LIPA: variants seen among roughly 807,000 people sequenced by gnomAD.
LIPA encodes the protein lipase A, lysosomal acid type.
A neutral mutation model predicts 40.6 loss-of-function variants in LIPA; 26 were observed. The observed-to-expected ratio is 0.64, with a 90% CI of 0.47 to 0.89. LIPA has a LOEUF of 0.89. Among genes scored for constraint, LIPA ranks in the 40% least tolerant of loss-of-function variants. The pLI, the probability that LIPA is intolerant of heterozygous loss-of-function variation, is 0.00. For synonymous variants in LIPA, 188 were observed against 168.4 expected (o/e 1.12, Z -0.90); for missense variants, 455 against 479.6 (o/e 0.95, Z 0.48).
intron 1 of LIPA, among the ~76,000 whole-genome samples, chr10:89,299,728 C>A (rs12261913): frequency 0.25 from 38,019 of 151,724 alleles, 4,915 homozygotes; most frequent in Middle Eastern, 0.29. Context: ...GATATCATCT[C>A]ACCCCAGTTA....
At chr10:89,298,102 C>T (rs1018632747) in intron 1 of LIPA, among the ~76,000 whole-genome samples, 1 of 152,226 alleles carries the variant, frequency 6.6e-6, no homozygotes, top group Non-Finnish European at 1.5e-5. Context: ...CCACCGTTGG[C>T]TACTGCCATT....
intron 1 of LIPA, chr10:89,307,266 C>A (rs1394529555): frequency 6.2e-7 from 1 of 1,613,878 alleles, no homozygotes; most frequent in Non-Finnish European, 8.5e-7. Context: ...CATGTCTTGG[C>A]ATTCCTTCAG....
chr10:89,318,406 T>C (rs1456237206), intron 1 of LIPA, among the ~76,000 whole-genome samples: 1 of 151,966 alleles, frequency 6.6e-6, no homozygotes. Context: ...AAAAGCAGGG[T>C]TGCAATCCTA....
chr10:89,317,002 C>A (rs563196079), intron 1 of LIPA, among the ~76,000 whole-genome samples: 1 of 152,224 alleles, frequency 6.6e-6, no homozygotes, highest in Non-Finnish European at 1.5e-5. Flanking sequence ...AGGGTCCTGA[C>A]TGTTAGAAGG....
rs150859727 is a variant in LIPA, at chr10:89,316,303, A to T, written c.-2+26308T>A. Among the ~76,000 whole-genome samples, 1,026 of 152,344 alleles carry T rather than the reference A, an allele frequency of 6.7e-3. 16 individuals are homozygous for T. Among genetic ancestry groups the T allele is most frequent in the East Asian group, 0.051 (266 of 5,182 alleles). The stretch of plus-strand genomic sequence containing the variant: ...CCCGGGAAGTGCAAGGAGTCAGGGA[A>T]TTCCCTTTCCTAGCCAAGGGAAGCC... On this transcript the variant is annotated intron_variant, in intron 1 of 5. Coordinates refer to the LIPA transcript ENST00000282673.
chr10:89,384,351 G>A, intron 2 of LIPA: 7 of 1,614,164 alleles, frequency 4.3e-6, no homozygotes, highest in Middle Eastern at 1.6e-4. Context: ...ATGTTGACCT[G>A]GCTGAAACGT....
intron 2 of LIPA, among the ~76,000 whole-genome samples, chr10:89,366,965 C>G (rs1385797927): frequency 1.3e-5 from 2 of 152,100 alleles, no homozygotes; most frequent in Admixed American, 1.3e-4. Context: ...GAAAATGTGG[C>G]ACATATACAC....
chr10:89,317,530 A>G (rs1000973806), intron 1 of LIPA, among the ~76,000 whole-genome samples: 2 of 152,226 alleles, frequency 1.3e-5, no homozygotes, highest in South Asian at 4.1e-4. Context: ...AAGAGTAAAA[A>G]GAAATGAACA....
At chr10:89,392,662 G>A (rs1001949169) in intron 2 of LIPA, 9 of 1,605,482 alleles carry the variant, frequency 5.6e-6, no homozygotes, top group African/African-American at 2.7e-5. Flanking sequence ...GATCTCAGAG[G>A]AGCCTGGCTA....
At chr10:89,249,003 T>C (rs932726396) in intron 1 of LIPA, among the ~76,000 whole-genome samples, 7 of 152,342 alleles carry the variant, frequency 4.6e-5, no homozygotes, top group Middle Eastern at 3.4e-3. Flanking sequence ...CTTCCACCTA[T>C]GATTTAGACA....
chr10:89,339,087 G>C (rs757663226), intron 1 of LIPA: 2 of 1,614,014 alleles, frequency 1.2e-6, no homozygotes, highest in Non-Finnish European at 1.7e-6. Context: ...AGGAAGGGTG[G>C]ACACAACTGA....
intron 1 of LIPA, chr10:89,308,689 G>A (rs943805605): frequency 6.6e-6 from 1 of 152,024 alleles, no homozygotes; most frequent in Non-Finnish European, 1.5e-5. Flanking sequence ...TTTGCCTGTT[G>A]GAATTAATTT....
intron 2 of LIPA, chr10:89,404,142 T>C (rs1844491476): frequency 6.5e-6 from 1 of 153,572 alleles, no homozygotes; most frequent in South Asian, 2.0e-4. Flanking sequence ...CCTCATTATA[T>C]TCCCTCCCTT....
chr10:89,258,059 G>C (rs1317832052), intron 1 of LIPA, among the ~76,000 whole-genome samples: 5 of 152,144 alleles, frequency 3.3e-5, no homozygotes, highest in Admixed American at 2.0e-4. Context: ...CTCAGTATTG[G>C]AGCAAGATCA....
At chr10:89,333,775 GA>G (rs1259470200) in intron 1 of LIPA, among the ~76,000 whole-genome samples, 2 of 152,250 alleles carry the variant, frequency 1.3e-5, no homozygotes, top group Non-Finnish European at 2.9e-5. Context: ...AGTCTTCCCA[GA>G]GCCTTGCTGC....
chr10:89,411,108 C>T (rs1841466119), intron 2 of LIPA, among the ~76,000 whole-genome samples: 1 of 152,194 alleles, frequency 6.6e-6, no homozygotes, highest in Non-Finnish European at 1.5e-5. Flanking sequence ...TAAACAAGGG[C>T]GTAGCCTGAA....
At chr10:89,269,474 A>G (rs1277540456) in intron 1 of LIPA, among the ~76,000 whole-genome samples, 1 of 151,708 alleles carries the variant, frequency 6.6e-6, no homozygotes, top group African/African-American at 2.4e-5. Context: ...TTTTTGCTCT[A>G]ATTAATATTT....
chr10:89,252,805 CCCAA>C (rs1564769046), upstream of LIPA, among the ~76,000 whole-genome samples: 1 of 30,618 alleles, frequency 3.3e-5, no homozygotes. Context: ...GACTCCATCC[CCCAA>C]AAAAAAAAAA....
intron 3 of LIPA, among the ~76,000 whole-genome samples, chr10:89,237,165 A>G (rs1842915071): frequency 6.6e-6 from 1 of 152,198 alleles, no homozygotes; most frequent in South Asian, 2.1e-4. Context: ...CTGTAGTCCT[A>G]GCTACTTAGA....
Sources: allele counts gnomAD v4.1 joint callset (sites outside exome capture counted in the v4.1 genomes callset), GRCh38; gene constraint gnomAD v4.1.1; transcripts MANE v1.5; gene names NCBI Gene and HGNC (gene_info 2026-07-23, HGNC 2026-07-21).